The following PLPPR5 variants were observed in gnomAD, a reference collection of about 807,000 sequenced individuals.
The protein encoded by PLPPR5 is phospholipid phosphatase-related protein type 5.
A neutral mutation model predicts 33.9 loss-of-function variants in PLPPR5; 16 were observed. The ratio of observed to expected loss-of-function variants is 0.47; its 90% confidence interval spans 0.32 to 0.72. The LOEUF is 0.72. Among genes scored for constraint, PLPPR5 ranks in the 30% least tolerant of loss-of-function variants. The probability of loss-of-function intolerance (pLI) is 0.03; values close to 1 mark genes in which losing one functional copy is unlikely to be tolerated. For synonymous variants in PLPPR5, 163 were observed against 150.3 expected, an observed-to-expected ratio of 1.08 and a Z score of -0.62; for missense variants, 301 against 406.7, an observed-to-expected ratio of 0.74 and a Z score of 2.23.
chr1:98,945,027 C>T (rs977057862), intron 3 of PLPPR5, among the ~76,000 whole-genome samples: 3 of 152,172 alleles, frequency 2.0e-5, no homozygotes, highest in African/African-American at 7.2e-5. Flanking sequence ...TCTGTTCCAC[C>T]TTGTCAAAGT....
chr1:98,907,610 G>A (rs188682046), intron 5 of PLPPR5, among the ~76,000 whole-genome samples: 1 of 152,182 alleles, frequency 6.6e-6, no homozygotes, highest in East Asian at 1.9e-4. Context: ...GCTTGAAATA[G>A]GACAGATTTA....
At chr1:98,895,390 A>G (rs941417057) in intron 5 of PLPPR5, among the ~76,000 whole-genome samples, 1 of 152,008 alleles carries the variant, frequency 6.6e-6, no homozygotes, top group African/African-American at 2.4e-5. Context: ...CTCCTCATAA[A>G]TTACCCAGAT....
At chr1:98,928,126 G>A (rs1055337678) in intron 3 of PLPPR5, among the ~76,000 whole-genome samples, 2 of 152,024 alleles carry the variant, frequency 1.3e-5, no homozygotes, top group Non-Finnish European at 2.9e-5. Flanking sequence ...GTAGCCAGTA[G>A]CTACTGTAGC....
At chr1:98,994,960 C>T (rs1277287148) in intron 1 of PLPPR5, among the ~76,000 whole-genome samples, 1 of 152,100 alleles carries the variant, frequency 6.6e-6, no homozygotes, top group East Asian at 1.9e-4. Context: ...GAGATACCAT[C>T]TCACATCAGT....
At chr1:98,945,186 G>A (rs2101198357) in intron 3 of PLPPR5, among the ~76,000 whole-genome samples, 1 of 152,304 alleles carries the variant, frequency 6.6e-6, no homozygotes, top group African/African-American at 2.4e-5. Context: ...CACCTTAGAT[G>A]ATATGTAGAG....
chr1:98,997,111 G>T (rs989087180), intron 1 of PLPPR5, among the ~76,000 whole-genome samples: 1 of 152,134 alleles, frequency 6.6e-6, no homozygotes, highest in Non-Finnish European at 1.5e-5. Flanking sequence ...AATGTCATTT[G>T]CTCTGCATTA....
At chr1:98,914,752 G>C in intron 5 of PLPPR5, 34 bp downstream of exon 5, 1 of 1,572,638 alleles carries the variant, frequency 6.4e-7, no homozygotes. Context: ...ATTTGCTCTA[G>C]TTATTATAAT....
chr1:98,998,298 C>T (rs1160690378), intron 1 of PLPPR5, among the ~76,000 whole-genome samples: 1 of 152,062 alleles, frequency 6.6e-6, no homozygotes, highest in Non-Finnish European at 1.5e-5. Flanking sequence ...CTCCATATAC[C>T]ACGGTTTGCA....
chr1:98,943,055 G>GGACTTAATACACA (rs1553168733), intron 3 of PLPPR5, among the ~76,000 whole-genome samples: 3 of 152,132 alleles, frequency 2.0e-5, no homozygotes, highest in African/African-American at 7.2e-5. Context: ...ACAGCCAAAG[G>GGACTTAATACACA]GACTTAATAC....
At chr1:98,972,723 A>G (rs1391273034) in intron 1 of PLPPR5, among the ~76,000 whole-genome samples, 1 of 151,992 alleles carries the variant, frequency 6.6e-6, no homozygotes, top group East Asian at 1.9e-4. Flanking sequence ...CTGAATGGCT[A>G]TGATCTTCAG....
intron 1 of PLPPR5, among the ~76,000 whole-genome samples, chr1:99,000,160 C>T (rs144324232): frequency 9.9e-5 from 15 of 152,214 alleles, no homozygotes; most frequent in South Asian, 2.1e-4. Context: ...AAATGCTATA[C>T]AGAACAAACT....
At chr1:98,952,590 T>C (rs1650832455) in intron 3 of PLPPR5, among the ~76,000 whole-genome samples, 1 of 152,204 alleles carries the variant, frequency 6.6e-6, no homozygotes, top group Admixed American at 6.5e-5. Context: ...GTTAGTTCTA[T>C]GAGAAAACGT....
At chr1:98,902,549 C>T (rs1285122417) in intron 5 of PLPPR5, among the ~76,000 whole-genome samples, 2 of 151,962 alleles carry the variant, frequency 1.3e-5, no homozygotes, top group Admixed American at 6.6e-5. Context: ...TGCTTATTTA[C>T]CTAGTTTTAG....
intron 5 of PLPPR5, among the ~76,000 whole-genome samples, chr1:98,903,578 T>C (rs1005395736): frequency 5.3e-5 from 8 of 152,084 alleles, no homozygotes; most frequent in Non-Finnish European, 7.4e-5. Flanking sequence ...AAATAGACAA[T>C]ATCTGTATAA....
intron 3 of PLPPR5, among the ~76,000 whole-genome samples, chr1:98,935,705 G>C (rs942789972): frequency 2.6e-5 from 4 of 152,152 alleles, no homozygotes; most frequent in African/African-American, 9.7e-5. Flanking sequence ...TTAAATATAA[G>C]AAATATGCTT....
intron 3 of PLPPR5, among the ~76,000 whole-genome samples, chr1:98,924,744 T>A (rs1649692378): frequency 1.3e-5 from 2 of 152,220 alleles, no homozygotes; most frequent in African/African-American, 2.4e-5. Flanking sequence ...GATCGTTAAA[T>A]TGCCCTAATG....
At chr1:98,974,965 T>C (rs1651792920) in intron 1 of PLPPR5, among the ~76,000 whole-genome samples, 1 of 152,036 alleles carries the variant, frequency 6.6e-6, no homozygotes, top group Non-Finnish European at 1.5e-5. Flanking sequence ...GGCACTGTTC[T>C]CTTACTTAGC....
chr1:99,004,596 G>C lies in PLPPR5; in HGVS notation c.76C>G (p.Leu26Val), dbSNP rs750585450. ...QMVIMAGTVM[L>V]AYYFEYTDTF... Reference sequence around the variant, plus strand: ...TCCGTATACTCGAAGTAGTACGCCAGCATCACCGTCCCTGCCATGATCACC... The same window carrying C: ...TCCGTATACTCGAAGTAGTACGCCACCATCACCGTCCCTGCCATGATCACC... The change falls in exon 1 of 6, where the codon CTG (leucine) becomes GTG (valine). Residue 26 changes from leucine to valine, a missense_variant. Leu to Val is a conservative substitution (Grantham distance 32). Coordinates refer to ENST00000263177, the MANE Select transcript of PLPPR5 (RefSeq NM_001037317.2). The C allele has an allele frequency of 6.8e-6, 11 of 1,613,056 alleles. No homozygotes were observed. In the South Asian group the frequency reaches 1.2e-4, roughly 18 times the overall value.
rs1422506303 is a variant in PLPPR5, at chr1:98,985,089, T to C, written c.237+19346A>G. 2.6e-5 allele frequency among the ~76,000 whole-genome samples: 4 copies of C among 152,122 alleles called. No individual in the cohort carries two copies. The East Asian group carries it at 7.7e-4, about 29-fold the overall frequency. ...ACCATTTTGTCTTAACTTGGCTTCCTACCTACACCTTTTCTTGTTTGGGAT... is the reference window on the plus strand; with the variant it reads ...ACCATTTTGTCTTAACTTGGCTTCCCACCTACACCTTTTCTTGTTTGGGAT... On this transcript the variant is annotated intron_variant, in intron 1 of 5. Transcript: ENST00000263177.
Sources: gnomAD v4.1 joint callset for allele counts (sites outside exome capture counted in the v4.1 genomes callset) on GRCh38, gnomAD v4.1.1 for gene constraint, MANE v1.5 for transcripts, NCBI Gene and HGNC (gene_info 2026-07-23, HGNC 2026-07-21) for gene names.